The following NR3C2 variants were observed in gnomAD, a reference collection of about 807,000 sequenced individuals.
NR3C2 encodes mineralocorticoid receptor.
Under a neutral mutation model 86.4 loss-of-function variants are expected in NR3C2, and 15 were observed. That is an observed-to-expected ratio of 0.17 (90% CI 0.12 to 0.27). The LOEUF (loss-of-function observed/expected upper bound fraction) is 0.27. Ranked by LOEUF, NR3C2 falls within the 10% of genes least tolerant of loss-of-function variation. The pLI is 1.00. For synonymous variants in NR3C2, 458 were observed against 450.5 expected, an observed-to-expected ratio of 1.02 and a Z score of -0.21; for missense variants, 960 against 1,195.6, an observed-to-expected ratio of 0.80 and a Z score of 2.91.
chr4:148,247,326 T>C (rs1739366035), intron 3 of NR3C2, among the ~76,000 whole-genome samples: 1 of 152,188 alleles, frequency 6.6e-6, no homozygotes. Flanking sequence ...CTCATCCCAA[T>C]GGGTCACTAC....
chr4:148,445,103 T>C, upstream of NR3C2: 1 of 630,192 alleles, frequency 1.6e-6, no homozygotes. Flanking sequence ...GCCCTCCCAC[T>C]ACGGCCACTG....
chr4:148,352,904 T>C (rs767957736), intron 2 of NR3C2, among the ~76,000 whole-genome samples: 2 of 152,144 alleles, frequency 1.3e-5, no homozygotes, highest in Non-Finnish European at 1.5e-5. Flanking sequence ...ACAAGCTATA[T>C]AACACATTTT....
chr4:148,360,240 A>C (rs1745771380), intron 2 of NR3C2, among the ~76,000 whole-genome samples: 1 of 152,216 alleles, frequency 6.6e-6, no homozygotes, highest in Non-Finnish European at 1.5e-5. Context: ...CTTTGGAAAA[A>C]TAATATAATT....
chr4:148,297,700 T>C (rs1486718485), intron 2 of NR3C2, among the ~76,000 whole-genome samples: 1 of 152,148 alleles, frequency 6.6e-6, no homozygotes, highest in Non-Finnish European at 1.5e-5. Flanking sequence ...ATCTTAAATA[T>C]TGGCTTCCAA....
At chr4:148,238,923 T>C (rs144259230) in intron 3 of NR3C2, among the ~76,000 whole-genome samples, 4 of 152,198 alleles carry the variant, frequency 2.6e-5, no homozygotes, top group African/African-American at 9.6e-5. Flanking sequence ...GTAGGAAGAA[T>C]TAGCTAAAGT....
At chr4:148,105,705 A>ATGCAAG (rs1188522752) in intron 8 of NR3C2, among the ~76,000 whole-genome samples, 4 of 152,222 alleles carry the variant, frequency 2.6e-5, no homozygotes, top group African/African-American at 9.6e-5. Context: ...CATCCCTGGG[A>ATGCAAG]TGCAAGGCTG....
intron 2 of NR3C2, among the ~76,000 whole-genome samples, chr4:148,394,504 A>G (rs2126505400): frequency 7.0e-6 from 1 of 143,396 alleles, no homozygotes; most frequent in East Asian, 2.0e-4. Context: ...ACATAACATA[A>G]CCCCAACTCT....
At chr4:148,092,827 C>T (rs534486648) in intron 8 of NR3C2, among the ~76,000 whole-genome samples, 3 of 152,212 alleles carry the variant, frequency 2.0e-5, no homozygotes, top group South Asian at 2.1e-4. Context: ...ACCCTGGGGT[C>T]GGAGTGGGGA....
chr4:148,104,032 T>C (rs190711953), intron 8 of NR3C2, among the ~76,000 whole-genome samples: 11 of 152,364 alleles, frequency 7.2e-5, no homozygotes, highest in Admixed American at 5.9e-4. Context: ...AAAATAAGCA[T>C]CCATTGGCAC....
chr4:148,231,188 T>C (rs1738441891), intron 3 of NR3C2, among the ~76,000 whole-genome samples: 1 of 152,208 alleles, frequency 6.6e-6, no homozygotes, highest in African/African-American at 2.4e-5. Flanking sequence ...CTTAGAGGGA[T>C]AAAATTCTCT....
At chr4:148,103,969 A>T (rs988509847) in intron 8 of NR3C2, among the ~76,000 whole-genome samples, 3 of 152,196 alleles carry the variant, frequency 2.0e-5, no homozygotes, top group South Asian at 2.1e-4. Flanking sequence ...ACCCATTATT[A>T]ATTATATTTG....
chr4:148,153,635 CT>C (rs1226878744), intron 5 of NR3C2, among the ~76,000 whole-genome samples: 1 of 152,264 alleles, frequency 6.6e-6, no homozygotes, highest in East Asian at 1.9e-4. Context: ...TAAGAAACTG[CT>C]TTAGATTAAT....
intron 3 of NR3C2, among the ~76,000 whole-genome samples, chr4:148,245,776 T>C (rs961302041): frequency 6.6e-6 from 1 of 152,180 alleles, no homozygotes. Flanking sequence ...AGACTGAACC[T>C]GGAAATACTG....
intron 2 of NR3C2, among the ~76,000 whole-genome samples, chr4:148,417,126 T>TC (rs1367848814): frequency 6.6e-6 from 1 of 152,178 alleles, no homozygotes; most frequent in Non-Finnish European, 1.5e-5. Context: ...CCTTGTTTTT[T>TC]CCCTCCTCTC....
In NR3C2 at chr4:148,435,007, T is replaced by C; in HGVS notation, c.1757+97A>G. On this transcript the variant is annotated intron_variant, in intron 2 of 8. Coordinates refer to ENST00000358102, the MANE Select transcript of NR3C2 (RefSeq NM_000901.5). ...CATATGACCATCCTTAAAACAGTAATCTGAAATGTGTTTAAATTTATCAAC... is the reference window on the plus strand; with the variant it reads ...CATATGACCATCCTTAAAACAGTAACCTGAAATGTGTTTAAATTTATCAAC... 5.0e-6 allele frequency: 6 copies of C among 1,192,334 alleles called. No individual in the cohort carries two copies. In the South Asian group the frequency reaches 6.2e-5, roughly 12 times the overall value. 73.9% of individuals were successfully genotyped at this position (1,192,334 alleles called of 1,614,324 possible).
intron 3 of NR3C2, among the ~76,000 whole-genome samples, chr4:148,230,680 G>A (rs746355781): frequency 8.5e-5 from 13 of 152,182 alleles, no homozygotes; most frequent in Non-Finnish European, 1.5e-4. Flanking sequence ...AACATCCAAT[G>A]CCTTTACCTT....
chr4:148,365,762 A>T (rs2126339934), intron 2 of NR3C2, among the ~76,000 whole-genome samples: 1 of 152,242 alleles, frequency 6.6e-6, no homozygotes, highest in Admixed American at 6.5e-5. Context: ...TTTTCTTATT[A>T]ATTTTTTGCC....
At chr4:148,198,915 C>T (rs28500506) in intron 3 of NR3C2, among the ~76,000 whole-genome samples, 5,335 of 151,266 alleles carry the variant, frequency 0.035, 310 homozygotes, top group African/African-American at 0.12. Flanking sequence ...CCCATCTCTA[C>T]TAAAAATATA....
At chr4:148,443,621 T>C (rs1196205997), upstream of NR3C2, among the ~76,000 whole-genome samples, 1 of 151,474 alleles carries the variant, frequency 6.6e-6, no homozygotes, top group Non-Finnish European at 1.5e-5. Context: ...ACTTTTAGGC[T>C]TCTCATGTAA....
Sources: gnomAD v4.1 joint callset for allele counts (sites outside exome capture counted in the v4.1 genomes callset) on GRCh38, gnomAD v4.1.1 for gene constraint, MANE v1.5 for transcripts, NCBI Gene and HGNC (gene_info 2026-07-23, HGNC 2026-07-21) for gene names.